The following SERPINB12 variants were observed in gnomAD, a reference collection of about 807,000 sequenced individuals.
The protein encoded by SERPINB12 is serpin B12.
In SERPINB12, 57 loss-of-function variants were observed where a neutral mutation model predicts 41.1. The ratio of observed to expected loss-of-function variants is 1.39; its 90% CI spans 1.12 to 1.73. The LOEUF is 1.73. Among genes scored for constraint, SERPINB12 ranks in the 40% most tolerant of loss-of-function variants. SERPINB12 has a pLI of 0.00. For synonymous variants in SERPINB12, 180 were observed against 181.3 expected, an observed-to-expected ratio of 0.99 and a Z score of 0.06; for missense variants, 536 against 501.9, an observed-to-expected ratio of 1.07 and a Z score of -0.65.
intron 1 of SERPINB12, among the ~76,000 whole-genome samples, chr18:63,544,737 G>A (rs960993841): frequency 1.3e-5 from 2 of 152,070 alleles, no homozygotes; most frequent in Admixed American, 6.5e-5. Context: ...TTGTGTTTTA[G>A]TCTTTATTGT....
Position 63,564,117 on chromosome 18 carries a change from T to A in SERPINB12, c.702T>A (p.Asn234Lys). The change falls in exon 6 of 8, where the codon AAT (asparagine) becomes AAA (lysine). Residue 234 changes from asparagine (N) to lysine (K), a missense_variant. Asn to Lys is a moderately conservative substitution (Grantham distance 94). Coordinates refer to ENST00000382768, the MANE Select transcript of SERPINB12 (RefSeq NM_001307928.2). ...CGGTGGATGCACCTTTCTGTCTAAA[T>A]GCGGTAGTGTATCAGAACTCATGGT... ...ENTVDAPFCL[N>K]ANENKSVKMM... 1 of 1,611,686 alleles carries A rather than the reference T, an allele frequency of 6.2e-7. No individual in the cohort carries two copies. The highest frequency in any genetic ancestry group is 8.5e-7 in the Non-Finnish European group (1 of 1,179,400).
At chr18:63,561,933 G>C (rs574577416) in intron 5 of SERPINB12, among the ~76,000 whole-genome samples, 2 of 151,936 alleles carry the variant, frequency 1.3e-5, no homozygotes, top group Non-Finnish European at 2.9e-5. Context: ...CTACCTATAG[G>C]GTACTATGCC....
the SERPINB12 span, among the ~76,000 whole-genome samples, chr18:63,534,120 C>G: frequency 2.6e-5 from 4 of 152,238 alleles, no homozygotes; most frequent in South Asian, 8.3e-4. Context: ...AAAAATTAAT[C>G]CCTGTCACTC....
intron 1 of SERPINB12, among the ~76,000 whole-genome samples, 168 bp from the exon 2 acceptor site, chr18:63,555,974 A>G (rs1417968920): frequency 1.3e-5 from 2 of 152,194 alleles, no homozygotes; most frequent in Non-Finnish European, 2.9e-5. Flanking sequence ...TATCAATATC[A>G]ACACCAATAT....
chr18:63,563,653 T>C (rs980227698), intron 5 of SERPINB12, among the ~76,000 whole-genome samples: 1 of 152,132 alleles, frequency 6.6e-6, no homozygotes, highest in African/African-American at 2.4e-5. Context: ...TCCCAGCACT[T>C]TGGGAGGCCG....
chr18:63,525,902 T>A, the SERPINB12 span, among the ~76,000 whole-genome samples: 145 of 152,296 alleles, frequency 9.5e-4, no homozygotes, highest in African/African-American at 3.3e-3. Context: ...ATTAACAATA[T>A]TAAACTAGCC....
upstream of SERPINB12, among the ~76,000 whole-genome samples, chr18:63,540,386 C>T (rs1438809250): frequency 2.0e-5 from 3 of 151,956 alleles, no homozygotes; most frequent in East Asian, 1.9e-4. Context: ...TCCTGTAATT[C>T]GACACCTAGA....
chr18:63,541,097 T>C (rs1910262338), upstream of SERPINB12, among the ~76,000 whole-genome samples: 1 of 152,162 alleles, frequency 6.6e-6, no homozygotes, highest in South Asian at 2.1e-4. Context: ...TTCTACCATC[T>C]CCCTAATTCA....
the SERPINB12 span, among the ~76,000 whole-genome samples, chr18:63,530,084 C>T: frequency 5.3e-5 from 8 of 152,096 alleles, no homozygotes; most frequent in African/African-American, 1.4e-4. Context: ...AACACAGGCA[C>T]GAGGTACATG....
intron 4 of SERPINB12, among the ~76,000 whole-genome samples, chr18:63,560,611 T>C (rs1054751573): frequency 6.6e-6 from 1 of 152,232 alleles, no homozygotes; most frequent in African/African-American, 2.4e-5. Flanking sequence ...TATGTGTACA[T>C]TTCAGTAGCA....
At chr18:63,547,948 A>G (rs74882879) in intron 1 of SERPINB12, among the ~76,000 whole-genome samples, 3,293 of 152,276 alleles carry the variant, frequency 0.022, 117 homozygotes, top group African/African-American at 0.075. Flanking sequence ...AATATTATGA[A>G]GGGTTCTCAT....
At chr18:63,553,389 A>G (rs1910582911) in intron 1 of SERPINB12, among the ~76,000 whole-genome samples, 1 of 152,170 alleles carries the variant, frequency 6.6e-6, no homozygotes. Context: ...CTTGAGAAGT[A>G]GGGAGTTGGC....
At chr18:63,556,354 G>A in intron 2 of SERPINB12, 27 bp downstream of exon 2, 1 of 1,605,084 alleles carries the variant, frequency 6.2e-7, no homozygotes, top group Non-Finnish European at 8.5e-7. Context: ...GTGCTACACA[G>A]GGTCCTAAAC....
At chr18:63,562,349 G>A (rs1910940052) in intron 5 of SERPINB12, among the ~76,000 whole-genome samples, 1 of 152,244 alleles carries the variant, frequency 6.6e-6, no homozygotes, top group South Asian at 2.1e-4. Flanking sequence ...CGTGTACAGT[G>A]AAAAGTTTGG....
chr18:63,534,075 A>C, the SERPINB12 span, among the ~76,000 whole-genome samples: 1 of 152,186 alleles, frequency 6.6e-6, no homozygotes, highest in Admixed American at 6.5e-5. Context: ...TACTTGTCCT[A>C]GACTTGATTC....
chr18:63,542,128 G>C (rs1599410791), upstream of SERPINB12, among the ~76,000 whole-genome samples: 2 of 152,282 alleles, frequency 1.3e-5, no homozygotes, highest in East Asian at 3.9e-4. Context: ...ACAGAGATAT[G>C]ACACTTCCTC....
chr18:63,562,057 T>A (rs992892145), intron 5 of SERPINB12, among the ~76,000 whole-genome samples: 1 of 152,126 alleles, frequency 6.6e-6, no homozygotes, highest in South Asian at 2.1e-4. Context: ...CTGAACAGCA[T>A]CAAACAGTTA....
chr18:63,559,795 A>C, intron 4 of SERPINB12, 77 bp downstream of exon 4: 6 of 1,451,966 alleles, frequency 4.1e-6, no homozygotes, highest in African/African-American at 1.4e-5. Flanking sequence ...TGGGTTACTC[A>C]CCTGCCATCT....
At chr18:63,565,369 C>A in intron 6 of SERPINB12, 76 bp from the exon 7 acceptor site, 1 of 1,371,790 alleles carries the variant, frequency 7.3e-7, no homozygotes, top group Non-Finnish European at 1.0e-6. Flanking sequence ...AACCCCTGTC[C>A]TCCGTGAAGC....
Sources: gnomAD v4.1 joint callset for allele counts (sites outside exome capture counted in the v4.1 genomes callset) on GRCh38, gnomAD v4.1.1 for gene constraint, MANE v1.5 for transcripts, NCBI Gene and HGNC (gene_info 2026-07-23, HGNC 2026-07-21) for gene names.